FSHR: variants seen among roughly 807,000 people sequenced by gnomAD.
FSHR encodes the protein follicle stimulating hormone receptor, also known as follicle-stimulating hormone receptor.
FSHR carries 46 observed loss-of-function variants against 52.1 expected under a neutral mutation model. The ratio of observed to expected loss-of-function variants is 0.88; its 90% CI spans 0.70 to 1.13. The LOEUF is 1.13. Ranked by LOEUF, FSHR falls within the 50% of genes most tolerant of loss-of-function variation. The pLI, the probability that FSHR is intolerant of heterozygous loss-of-function variation, is 0.00. For synonymous variants in FSHR, 399 were observed against 309.6 expected, an observed-to-expected ratio of 1.29 and a Z score of -3.03; for missense variants, 964 against 834.6, an observed-to-expected ratio of 1.16 and a Z score of -1.91.
chr2:49,068,642 C>T (rs935865710), intron 1 of FSHR, among the ~76,000 whole-genome samples: 1 of 152,056 alleles, frequency 6.6e-6, no homozygotes, highest in Admixed American at 6.6e-5. Context: ...ACTCCAACCC[C>T]CATTACCTCT....
chr2:48,980,686 C>T (rs568478549), intron 8 of FSHR, among the ~76,000 whole-genome samples: 24 of 152,240 alleles, frequency 1.6e-4, no homozygotes, highest in Admixed American at 1.1e-3. Flanking sequence ...TTCAATTAAA[C>T]GTATTTATGG....
intron 2 of FSHR, among the ~76,000 whole-genome samples, chr2:49,030,271 AGTGTGTGTGT>A (rs141079184): frequency 0.054 from 7,544 of 140,416 alleles, 351 homozygotes; most frequent in East Asian, 0.2. Flanking sequence ...AGGAATAGCA[AGTGTGTGTGT>A]GTGTGTGTGT....
chr2:49,064,062 T>TTGTGTG (rs61681324), intron 2 of FSHR, among the ~76,000 whole-genome samples: 41,352 of 148,562 alleles, frequency 0.28, 6,395 homozygotes, highest in Non-Finnish European at 0.37. Context: ...CATGAAGAGT[T>TTGTGTG]TGTGTGTGTG....
chr2:49,127,747 CTTCTTT>C (rs1380470239), intron 1 of FSHR, among the ~76,000 whole-genome samples: 1 of 110,134 alleles, frequency 9.1e-6, no homozygotes, highest in African/African-American at 3.4e-5. Flanking sequence ...ATTTCTTCTT[CTTCTTT>C]CTTCTTCTTC....
At chr2:49,064,837 G>T (rs1483206985) in intron 2 of FSHR, among the ~76,000 whole-genome samples, 1 of 152,110 alleles carries the variant, frequency 6.6e-6, no homozygotes, top group Non-Finnish European at 1.5e-5. Context: ...ACAGGGTTAT[G>T]GTTTGGAAGA....
intron 1 of FSHR, among the ~76,000 whole-genome samples, chr2:49,118,841 C>T (rs1215349499): frequency 1.3e-5 from 2 of 152,188 alleles, no homozygotes; most frequent in African/African-American, 2.4e-5. Context: ...ATAAATATTC[C>T]ACCCCTTGGT....
At chr2:49,080,865 T>C (rs73931522) in intron 1 of FSHR, among the ~76,000 whole-genome samples, 10,024 of 152,182 alleles carry the variant, frequency 0.066, 380 homozygotes, top group African/African-American at 0.1. Flanking sequence ...ACAGGGTTCT[T>C]AACACTCTGG....
chr2:49,077,699 A>G (rs1312413470), intron 1 of FSHR, among the ~76,000 whole-genome samples: 2 of 152,182 alleles, frequency 1.3e-5, no homozygotes, highest in Admixed American at 6.5e-5. Context: ...CACCCAAGTC[A>G]AGTCTTGAGT....
chr2:48,971,090 A>T (rs1674721518), intron 8 of FSHR, among the ~76,000 whole-genome samples: 1 of 151,648 alleles, frequency 6.6e-6, no homozygotes, highest in African/African-American at 2.4e-5. Flanking sequence ...CCCTTTAATG[A>T]CTCCCCATTG....
chr2:49,117,156 T>C (rs1330886633), intron 1 of FSHR, among the ~76,000 whole-genome samples: 1 of 152,228 alleles, frequency 6.6e-6, no homozygotes, highest in East Asian at 1.9e-4. Flanking sequence ...AGTCTACTTC[T>C]GTTTTAGATT....
chr2:49,005,594 G>A (rs1448032200), intron 4 of FSHR, among the ~76,000 whole-genome samples: 1 of 152,104 alleles, frequency 6.6e-6, no homozygotes, highest in Non-Finnish European at 1.5e-5. Flanking sequence ...GGTACTGGGG[G>A]AAGAGAGGGT....
intron 4 of FSHR, among the ~76,000 whole-genome samples, chr2:48,994,325 T>G (rs1487161985): frequency 6.6e-6 from 1 of 152,172 alleles, no homozygotes; most frequent in East Asian, 1.9e-4. Context: ...AGTGCATCAT[T>G]TAACATCAAT....
chr2:49,021,861 CTCTATATA>C (rs1440824718), intron 2 of FSHR, among the ~76,000 whole-genome samples: 2 of 43,476 alleles, frequency 4.6e-5, no homozygotes, highest in South Asian at 2.1e-3. Context: ...CTCTCTCTCT[CTCTATATA>C]TATATATATA....
At chr2:49,089,904 A>G (rs1670537650) in intron 1 of FSHR, among the ~76,000 whole-genome samples, 2 of 152,216 alleles carry the variant, frequency 1.3e-5, no homozygotes, top group African/African-American at 2.4e-5. Context: ...CTGTGTGTGC[A>G]AAGCGTGTAC....
At chr2:48,994,384 T>C (rs1374077338) in intron 4 of FSHR, among the ~76,000 whole-genome samples, 2 of 152,336 alleles carry the variant, frequency 1.3e-5, no homozygotes, top group Admixed American at 1.3e-4. Flanking sequence ...TATAGATATC[T>C]GCAGATGCAC....
chr2:49,094,957 G>A (rs553898867), intron 1 of FSHR, among the ~76,000 whole-genome samples: 2 of 151,926 alleles, frequency 1.3e-5, no homozygotes, highest in Non-Finnish European at 2.9e-5. Context: ...AGGAATAAAA[G>A]ATGGGATATT....
intron 8 of FSHR, among the ~76,000 whole-genome samples, chr2:48,976,994 C>T (rs1445124346): frequency 6.6e-6 from 1 of 151,826 alleles, no homozygotes. Flanking sequence ...TCAGTTATAC[C>T]TAATGTAGAT....
At chr2:49,093,606 T>G (rs1678262500) in intron 1 of FSHR, among the ~76,000 whole-genome samples, 1 of 150,178 alleles carries the variant, frequency 6.7e-6, no homozygotes, top group Admixed American at 6.6e-5. Context: ...TTTTTTTTTT[T>G]TTTTTTGAGA....
intron 9 of FSHR, among the ~76,000 whole-genome samples, chr2:48,964,762 C>T (rs1287509059): frequency 2.0e-5 from 3 of 152,116 alleles, no homozygotes; most frequent in African/African-American, 7.2e-5. Flanking sequence ...CTTGGTTTTG[C>T]CTTTAAACCC....
Sources: gnomAD v4.1 joint callset for allele counts (sites outside exome capture counted in the v4.1 genomes callset) on GRCh38, gnomAD v4.1.1 for gene constraint, MANE v1.5 for transcripts, NCBI Gene and HGNC (gene_info 2026-07-23, HGNC 2026-07-21) for gene names.